The following ZDHHC14 variants were observed in gnomAD, a reference collection of about 807,000 sequenced individuals.
ZDHHC14 encodes the protein palmitoyltransferase ZDHHC14.
In ZDHHC14, 16 loss-of-function variants were observed where a neutral mutation model predicts 47.7. The observed-to-expected ratio is 0.34, with a 90% CI of 0.23 to 0.51. The LOEUF (loss-of-function observed/expected upper bound fraction) is 0.51, where lower values mean the gene tolerates loss of function less well. ZDHHC14 is among the 20% of genes least tolerant of loss of function. The probability of loss-of-function intolerance (pLI) is 0.97; values close to 1 mark genes in which losing one functional copy is unlikely to be tolerated. For synonymous variants in ZDHHC14, 293 were observed against 278.9 expected, an observed-to-expected ratio of 1.05 and a Z score of -0.50; for missense variants, 515 against 662.5, an observed-to-expected ratio of 0.78 and a Z score of 2.44.
At chr6:157,618,468 C>A (rs1446014988) in intron 3 of ZDHHC14, among the ~76,000 whole-genome samples, 1 of 152,036 alleles carries the variant, frequency 6.6e-6, no homozygotes, top group Non-Finnish European at 1.5e-5. Context: ...ATTACAGGTG[C>A]CTGCCACCAC....
intron 1 of ZDHHC14, among the ~76,000 whole-genome samples, chr6:157,388,681 T>G (rs1211245998): frequency 1.3e-5 from 2 of 152,244 alleles, no homozygotes; most frequent in Non-Finnish European, 2.9e-5. Context: ...AAACTTATTT[T>G]TATAAACTGG....
intron 1 of ZDHHC14, among the ~76,000 whole-genome samples, chr6:157,510,607 CCT>C (rs1310030046): frequency 1.3e-5 from 2 of 152,376 alleles, no homozygotes; most frequent in South Asian, 2.1e-4. Context: ...TACCTTCTGA[CCT>C]CTCTTTCTCA....
chr6:157,421,634 G>T (rs1778107551), intron 1 of ZDHHC14, among the ~76,000 whole-genome samples: 1 of 151,626 alleles, frequency 6.6e-6, no homozygotes, highest in Non-Finnish European at 1.5e-5. Flanking sequence ...TTGAGACAGA[G>T]TCTTGCTCTG....
At chr6:157,478,925 C>A (rs1702332463) in intron 1 of ZDHHC14, among the ~76,000 whole-genome samples, 1 of 152,152 alleles carries the variant, frequency 6.6e-6, no homozygotes, top group Non-Finnish European at 1.5e-5. Context: ...TTACATGAAG[C>A]CTCTAGCAGG....
At chr6:157,625,905 A>G (rs533722113) in intron 3 of ZDHHC14, among the ~76,000 whole-genome samples, 1 of 152,114 alleles carries the variant, frequency 6.6e-6, no homozygotes, top group Non-Finnish European at 1.5e-5. Flanking sequence ...AGGAGTTCAC[A>G]CTCATCTCTA....
chr6:157,553,019 T>C (rs1782305160), intron 2 of ZDHHC14, among the ~76,000 whole-genome samples: 1 of 152,220 alleles, frequency 6.6e-6, no homozygotes, highest in Non-Finnish European at 1.5e-5. Context: ...CAGTGGGGTT[T>C]GCAGTAGGGA....
intron 1 of ZDHHC14, among the ~76,000 whole-genome samples, chr6:157,458,849 A>ATTTGTTTTTTTTTTTTTTTTT (rs1778991732): frequency 1.2e-5 from 1 of 81,226 alleles, no homozygotes; most frequent in Non-Finnish European, 2.3e-5. Flanking sequence ...ATGTGGGTGG[A>ATTTGTTTTTTTTTTTTTTTTT]TTTTTTTTTT....
intron 2 of ZDHHC14, among the ~76,000 whole-genome samples, chr6:157,574,761 C>T (rs866878732): frequency 5.9e-5 from 9 of 152,330 alleles, no homozygotes; most frequent in Middle Eastern, 3.4e-3. Flanking sequence ...AAGCTAACAT[C>T]GTCTCAAGCT....
intron 1 of ZDHHC14, among the ~76,000 whole-genome samples, chr6:157,538,545 A>G (rs950770322): frequency 1.6e-4 from 25 of 152,224 alleles, no homozygotes; most frequent in African/African-American, 6.0e-4. Flanking sequence ...ATTTTACATC[A>G]TGCGAGGCAT....
Position 157,570,354 on chromosome 6 carries a change from C to G in ZDHHC14, c.407-22634C>G, listed in dbSNP as rs146592756. Among the ~76,000 whole-genome samples the G allele has an allele frequency of 3.5e-4, 54 of 152,362 alleles. 1 individual carries two copies. In the East Asian group the frequency reaches 5.0e-3, roughly 14 times the overall value. On this transcript the variant is annotated intron_variant, in intron 2 of 8. Coordinates refer to ENST00000359775, the MANE Select transcript of ZDHHC14 (RefSeq NM_024630.3). ...GCAAACACTGACAACCCAAATTGAT[C>G]TCTATCACTGTACAATATTTACCCA...
chr6:157,424,903 G>A (rs1778185839), intron 1 of ZDHHC14, among the ~76,000 whole-genome samples: 1 of 152,126 alleles, frequency 6.6e-6, no homozygotes, highest in Admixed American at 6.5e-5. Flanking sequence ...TCCCTGCCAG[G>A]TGTCCTAGGT....
intron 1 of ZDHHC14, among the ~76,000 whole-genome samples, chr6:157,473,012 GA>G (rs1471478531): frequency 1.3e-5 from 2 of 152,126 alleles, no homozygotes; most frequent in Non-Finnish European, 2.9e-5. Context: ...AAAAATCTGT[GA>G]TTCATTTTAA....
intron 4 of ZDHHC14, 91 bp from the exon 5 acceptor site, chr6:157,632,743 T>G (rs1049499365): frequency 1.3e-5 from 15 of 1,189,048 alleles, no homozygotes; most frequent in African/African-American, 9.0e-5. Flanking sequence ...TCATTGATCT[T>G]TAGCCATCTA....
At chr6:157,628,774 G>T (rs754105378) in intron 4 of ZDHHC14, among the ~76,000 whole-genome samples, 1 of 151,912 alleles carries the variant, frequency 6.6e-6, no homozygotes, top group East Asian at 1.9e-4. Context: ...TCCTTGATAC[G>T]CACATCCCTA....
intron 7 of ZDHHC14, among the ~76,000 whole-genome samples, chr6:157,650,011 C>G (rs1442357039): frequency 6.6e-6 from 1 of 150,642 alleles, no homozygotes; most frequent in Admixed American, 6.6e-5. Context: ...GAGGGGCTGG[C>G]TCTGTGCCAG....
chr6:157,486,597 G>A (rs1368867125), intron 1 of ZDHHC14, among the ~76,000 whole-genome samples: 3 of 152,190 alleles, frequency 2.0e-5, no homozygotes, highest in Non-Finnish European at 4.4e-5. Flanking sequence ...TCCAGAGATA[G>A]GAGATGCTGA....
intron 1 of ZDHHC14, among the ~76,000 whole-genome samples, chr6:157,384,120 GCA>G (rs1777267799): frequency 6.6e-6 from 1 of 152,092 alleles, no homozygotes. Flanking sequence ...ATCCAAATTG[GCA>G]CTTTTGCTCT....
At chr6:157,616,522 G>A (rs1438804955) in intron 3 of ZDHHC14, among the ~76,000 whole-genome samples, 3 of 152,082 alleles carry the variant, frequency 2.0e-5, no homozygotes, top group African/African-American at 4.8e-5. Flanking sequence ...AGAACCCACA[G>A]GCACCCTAGA....
chr6:157,631,997 T>A (rs967529989), intron 4 of ZDHHC14: 1 of 152,214 alleles, frequency 6.6e-6, no homozygotes, highest in African/African-American at 2.4e-5. Context: ...CTCTTCACCC[T>A]CCCAGGTGTC....
Sources: allele counts gnomAD v4.1 joint callset (sites outside exome capture counted in the v4.1 genomes callset), GRCh38; gene constraint gnomAD v4.1.1; transcripts MANE v1.5; gene names NCBI Gene and HGNC (gene_info 2026-07-23, HGNC 2026-07-21).